Variants in TPT1 observed in about 807,000 individuals in gnomAD.
The protein encoded by TPT1 is translationally-controlled tumor protein.
TPT1 carries 5 observed loss-of-function variants against 22.8 expected under a neutral mutation model. That is an observed-to-expected ratio of 0.22 (90% confidence interval 0.11 to 0.46). The LOEUF (loss-of-function observed/expected upper bound fraction) is 0.46, where lower values mean the gene tolerates loss of function less well. Ranked by LOEUF, TPT1 falls within the 20% of genes least tolerant of loss-of-function variation. The pLI is 0.99. For synonymous variants in TPT1, 89 were observed against 73.6 expected, an observed-to-expected ratio of 1.21 and a Z score of -1.07; for missense variants, 130 against 218.7, an observed-to-expected ratio of 0.59 and a Z score of 2.56.
At chr13:45,339,914 C>A (rs1878968090) in intron 3 of TPT1, 80 bp downstream of exon 3, 6 of 1,504,822 alleles carry the variant, frequency 4.0e-6, no homozygotes, top group Admixed American at 3.9e-5. Flanking sequence ...ATACCCACTG[C>A]GAAAGAACCT....
chr13:45,340,597 G>A (rs780387149), intron 2 of TPT1, 115 bp downstream of exon 2: 8 of 1,231,210 alleles, frequency 6.5e-6, no homozygotes, highest in East Asian at 2.5e-5. Flanking sequence ...CCCGGAAAGA[G>A]CGTCTCCTCC....
intron 5 of TPT1, chr13:45,338,356 G>A (rs866475886): frequency 2.1e-5 from 8 of 386,086 alleles, no homozygotes; most frequent in Middle Eastern, 6.8e-4. Flanking sequence ...CCAACCTCAG[G>A]TGATGCACCC....
At position 45,336,547 on chromosome 13, in the gene TPT1, A is replaced by G. The variant is rs1398442704; in HGVS notation, c.*839T>C. The G allele has an allele frequency of 6.6e-6, 1 of 152,186 alleles. No individual in the cohort carries two copies. The highest frequency in any genetic ancestry group is 6.5e-5 in the Admixed American group (1 of 15,268). The allele number at this position is 152,186 out of a possible 1,614,324, so 9.4% of individuals were successfully genotyped here. Reference sequence around the variant, plus strand: ...CACATTCTGTGTACCTTCATCTTTTAAATCAGGGGCTGGCAAACTTGCAGG... The same window carrying G: ...CACATTCTGTGTACCTTCATCTTTTGAATCAGGGGCTGGCAAACTTGCAGG... On this transcript the variant is annotated 3_prime_UTR_variant, in exon 6 of 6. Transcript: ENST00000530705.
At chr13:45,341,014 C>T (rs1415405306) in intron 1 of TPT1, 28 bp downstream of exon 1, 3 of 1,608,102 alleles carry the variant, frequency 1.9e-6, no homozygotes, top group Non-Finnish European at 2.5e-6. Context: ...CCGTGTGCGG[C>T]AGTAAGGATA....
intron 2 of TPT1, chr13:45,340,450 G>A (rs1271382855): frequency 2.7e-6 from 2 of 737,862 alleles, no homozygotes; most frequent in Non-Finnish European, 4.8e-6. Context: ...AGTGGGGACA[G>A]GACAAACACG....
rs147738633 is a variant in TPT1, at chr13:45,340,476, C to T, written c.102+236G>A. The T allele has an allele frequency of 2.7e-3, 2,005 of 742,742 alleles. 20 individuals are homozygous for T. In the African/African-American group the frequency reaches 0.028, roughly 10 times the overall value. 46.0% of individuals were successfully genotyped at this position (742,742 alleles called of 1,614,324 possible). A position where few individuals can be genotyped will look rare whatever the true frequency, so the allele number is the denominator to read the frequency against. On this transcript the variant is annotated intron_variant, in intron 2 of 5. Coordinates refer to ENST00000530705, the MANE Select transcript of TPT1 (RefSeq NM_003295.4). Reference sequence around the variant, plus strand: ...GACAAACACGAAAGGACTCCAGGCTCCTAAGCCGGAAGCATCATGTCCCGG... The same window carrying T: ...GACAAACACGAAAGGACTCCAGGCTTCTAAGCCGGAAGCATCATGTCCCGG...
rs1483552818 is a variant in TPT1 at position 45,336,548 on chromosome 13, A to ATC, written c.*837_*838insGA. ...ACATTCTGTGTACCTTCATCTTTTA[A>ATC]ATCAGGGGCTGGCAAACTTGCAGGC... On this transcript the variant is annotated 3_prime_UTR_variant, in exon 6 of 6. Transcript: ENST00000530705. The ATC allele has an allele frequency of 6.6e-6, 1 of 152,152 alleles. No individual in the cohort carries two copies. Among genetic ancestry groups the ATC allele is most frequent in the African/African-American group, 2.4e-5 (1 of 41,420 alleles). 9.4% of individuals were successfully genotyped at this position (152,152 alleles called of 1,614,324 possible).
At chr13:45,340,896 T>A (rs1879076373) in intron 1 of TPT1, 111 bp from the exon 2 acceptor site, 1 of 1,487,854 alleles carries the variant, frequency 6.7e-7, no homozygotes, top group Admixed American at 2.3e-5. Context: ...ACACCAGAGC[T>A]GGGCGCGAGC....
In TPT1 at chr13:45,340,544, T is replaced by C. The variant is rs540835450; in HGVS notation, c.102+168A>G. ...ATGGGCGCCGAGGCGGCGGGCCTAT[T>C]TCCAGGATCAGCTCCGCCTCCAGTT... On this transcript the variant is annotated intron_variant, in intron 2 of 5. Transcript: ENST00000530705. 4 of 899,234 alleles carry C rather than the reference T, an allele frequency of 4.4e-6. No individual in the cohort carries two copies. The African/African-American group carries it at 4.9e-5, about 11-fold the overall frequency. 55.7% of individuals were successfully genotyped at this position (899,234 alleles called of 1,614,324 possible).
Position 45,339,665 on chromosome 13 carries a change from T to TA in TPT1, c.294-64dup. 2.1e-6 allele frequency: 3 copies of TA among 1,447,530 alleles called. No homozygotes were observed. In the South Asian group the frequency reaches 3.7e-5, roughly 18 times the overall value. 89.7% of individuals were successfully genotyped at this position (1,447,530 alleles called of 1,614,324 possible). A position where few individuals can be genotyped will look rare whatever the true frequency, so the allele number is the denominator to read the frequency against. ...TTTTCAGTAAAATCAATTTTTAAAG[T>TA]AAAAAATATCCAAGCTTAAAAAAAG... On this transcript the variant is annotated intron_variant, in intron 3 of 5. Transcript: ENST00000530705.
chr13:45,340,385 TG>T (rs1566177549), intron 2 of TPT1: 1 of 859,844 alleles, frequency 1.2e-6, no homozygotes, highest in Non-Finnish European at 1.9e-6. Context: ...GAACAAAAAA[TG>T]GGGTCATTAA....
chr13:45,340,237 A>T (rs1039786094), intron 2 of TPT1, 53 bp from the exon 3 acceptor site: 1 of 1,563,542 alleles, frequency 6.4e-7, no homozygotes, highest in East Asian at 2.3e-5. Flanking sequence ...CATCCAAAGC[A>T]CCTTCCACGC....
rs1245364916 is a variant in TPT1, at chr13:45,340,363, G to C, written c.103-179C>G. The C allele has an allele frequency of 5.2e-6, 5 of 952,436 alleles. No individual in the cohort carries two copies. The Admixed American group carries it at 1.0e-4, about 19-fold the overall frequency. The allele number at this position is 952,436 out of a possible 1,614,324, so 59.0% of individuals were successfully genotyped here. A position where few individuals can be genotyped will look rare whatever the true frequency, so the allele number is the denominator to read the frequency against. Reference sequence around the variant, plus strand: ...CAAAACGACCTAACTTAAAAGAGTTGTCTGTTGGCCGGAACAAAAAATGGG... The same window carrying C: ...CAAAACGACCTAACTTAAAAGAGTTCTCTGTTGGCCGGAACAAAAAATGGG... On this transcript the variant is annotated intron_variant, in intron 2 of 5. Coordinates refer to ENST00000530705, the MANE Select transcript of TPT1 (RefSeq NM_003295.4).
intron 5 of TPT1, 189 bp downstream of exon 5, chr13:45,338,471 A>G: frequency 2.5e-6 from 3 of 1,193,608 alleles, no homozygotes; most frequent in Non-Finnish European, 3.4e-6. Context: ...CACAAATAAG[A>G]TTCTAAGCCT....
chr13:45,340,845 C>A (rs1437569881), intron 1 of TPT1, 60 bp from the exon 2 acceptor site: 1 of 1,481,576 alleles, frequency 6.7e-7, no homozygotes, highest in Non-Finnish European at 8.9e-7. Flanking sequence ...TCCCGCATTT[C>A]CCGCGCCGGC....
chr13:45,340,613 G>A (rs778590540), intron 2 of TPT1, 99 bp downstream of exon 2: 9 of 1,345,524 alleles, frequency 6.7e-6, no homozygotes, highest in South Asian at 1.2e-5. Context: ...CCTCCGCCAG[G>A]AGGCGGCGGG....
At chr13:45,338,799 T>C in intron 4 of TPT1, 23 bp from the exon 5 acceptor site, 3 of 1,556,750 alleles carry the variant, frequency 1.9e-6, no homozygotes, top group Non-Finnish European at 2.6e-6. Context: ...ACAAAATACC[T>C]AGAATTAGAC....
rs1222588494 is a variant in TPT1, at chr13:45,334,357, G to C, written c.*3029C>G. Reference sequence around the variant, plus strand: ...TCAACCAATCTCATGTTGGAATGCAGTCTATCCTCTCTCCAAATGACCTTA... The same window carrying C: ...TCAACCAATCTCATGTTGGAATGCACTCTATCCTCTCTCCAAATGACCTTA... On this transcript the variant is annotated 3_prime_UTR_variant, in exon 6 of 6. Coordinates refer to ENST00000530705, the MANE Select transcript of TPT1 (RefSeq NM_003295.4). 1.3e-5 allele frequency: 2 copies of C among 152,212 alleles called. No homozygotes were observed. The highest frequency in any genetic ancestry group is 2.9e-5 in the Non-Finnish European group (2 of 68,060). The allele number at this position is 152,212 out of a possible 1,614,324, so 9.4% of individuals were successfully genotyped here. A position where few individuals can be genotyped will look rare whatever the true frequency, so the allele number is the denominator to read the frequency against.
chr13:45,341,075 C>T lies in TPT1; in HGVS notation c.-6G>A, dbSNP rs779981130. 1.5e-5 allele frequency: 24 copies of T among 1,613,114 alleles called. No homozygotes were observed. The highest frequency in any genetic ancestry group is 1.4e-4 in the South Asian group (13 of 90,992). On this transcript the variant is annotated 5_prime_UTR_variant, in exon 1 of 6. Coordinates refer to ENST00000530705, the MANE Select transcript of TPT1 (RefSeq NM_003295.4). ...AGGTCCCGGTAGATAATCATGATGG[C>T]GACTGAAGGGAGACGACGACGGCGC...
Sources: allele counts gnomAD v4.1 joint callset, GRCh38; gene constraint gnomAD v4.1.1; transcripts MANE v1.5; gene names NCBI Gene and HGNC (gene_info 2026-07-23, HGNC 2026-07-21).